The following THSD7B variants were observed in gnomAD, a reference collection of about 807,000 sequenced individuals.
THSD7B encodes thrombospondin type-1 domain-containing protein 7B.
THSD7B carries 138 observed loss-of-function variants against 213.6 expected under a neutral mutation model. The ratio of observed to expected loss-of-function variants is 0.65; its 90% CI spans 0.56 to 0.74. The LOEUF is 0.74. Ranked by LOEUF, THSD7B falls within the 30% of genes least tolerant of loss-of-function variation. The pLI is 0.00. For missense variants in THSD7B, 1,931 were observed against 1,991.5 expected (o/e 0.97, Z 0.58); for synonymous variants, 742 against 687.0 (o/e 1.08, Z -1.25).
chr2:137,633,884 A>G (rs1300187649), intron 20 of THSD7B, among the ~76,000 whole-genome samples: 1 of 152,184 alleles, frequency 6.6e-6, no homozygotes, highest in Non-Finnish European at 1.5e-5. Context: ...ACAATGACAA[A>G]AGGTATCATA....
rs144688083 is a variant in THSD7B at position 137,415,948 on chromosome 2, C to A, written c.2959+4076C>A. 1.2e-3 allele frequency among the ~76,000 whole-genome samples: 179 copies of A among 152,270 alleles called. 1 individual carries two copies. Among genetic ancestry groups the A allele is most frequent in the African/African-American group, 4.1e-3 (170 of 41,550 alleles). On this transcript the variant is annotated intron_variant, in intron 14 of 27. Transcript: ENST00000409968. ...AGAAATGAGTGCTTATTGTCTCTCC[C>A]TGCAGTCGATTATAAAGTTCCAGGA...
intron 4 of THSD7B, among the ~76,000 whole-genome samples, chr2:137,104,179 A>T (rs559786894): frequency 2.3e-4 from 35 of 152,280 alleles, no homozygotes; most frequent in African/African-American, 8.4e-4. Flanking sequence ...AATAACAAAC[A>T]GTCTCTCAGA....
rs72977638 is a variant in THSD7B at position 137,360,369 on chromosome 2, C to G, written c.2501-45244C>G. Among the ~76,000 whole-genome samples, 609 of 152,230 alleles carry G rather than the reference C, an allele frequency of 4.0e-3. 8 individuals carry two copies. The highest frequency in any genetic ancestry group is 0.014 in the African/African-American group (576 of 41,552). On this transcript the variant is annotated intron_variant, in intron 12 of 27. Transcript: ENST00000409968. ...GTTCATCTCATTGGGACTGGTCAGA[C>G]AGGGTGCACCCTACGGAGGGTGAGC...
intron 4 of THSD7B, among the ~76,000 whole-genome samples, chr2:137,097,769 G>GACACACACACACACACAC (rs3050089): frequency 1.4e-5 from 2 of 141,350 alleles, no homozygotes; most frequent in East Asian, 2.0e-4. Context: ...CGCTAAGTTT[G>GACACACACACACACACAC]ACACACACAC....
intron 26 of THSD7B, among the ~76,000 whole-genome samples, 178 bp from the exon 27 acceptor site, chr2:137,667,595 AC>A (rs1348783636): frequency 1.3e-5 from 2 of 152,222 alleles, no homozygotes; most frequent in African/African-American, 4.8e-5. Flanking sequence ...CTGGCAATTT[AC>A]AGAGTATGCT....
At position 137,056,512 on chromosome 2, in the gene THSD7B, C is replaced by A. The variant is rs751954088; in HGVS notation, c.232C>A (p.Leu78Met). 22 of 1,613,938 alleles carry A rather than the reference C, an allele frequency of 1.4e-5. No individual in the cohort carries two copies. Among genetic ancestry groups the A allele is most frequent in the Non-Finnish European group, 1.9e-5 (22 of 1,179,866 alleles). Residue 78 changes from leucine to methionine, a missense_variant, in exon 3 of 28, where the codon CTG becomes ATG. Coordinates refer to ENST00000409968, the MANE Select transcript of THSD7B (RefSeq NM_001316349.2). ...TCATGTTGACGGGTGGACAAGTCACCTGTCTAACTGTGGTGAGAGCAACAG... is the reference window on the plus strand; with the variant it reads ...TCATGTTGACGGGTGGACAAGTCACATGTCTAACTGTGGTGAGAGCAACAG... ...CFHVDGWTSHLSNCGESNRPP... is the reference protein window; with the variant it reads ...CFHVDGWTSHMSNCGESNRPP...
intron 5 of THSD7B, among the ~76,000 whole-genome samples, chr2:137,131,538 T>G (rs920990458): frequency 2.0e-5 from 3 of 152,238 alleles, no homozygotes; most frequent in African/African-American, 7.2e-5. Flanking sequence ...CTTTAATCCA[T>G]CTTGAATTAA....
chr2:137,455,314 C>T (rs200063636), intron 15 of THSD7B, among the ~76,000 whole-genome samples: 1 of 152,120 alleles, frequency 6.6e-6, no homozygotes, highest in Non-Finnish European at 1.5e-5. Context: ...CATTAGAATT[C>T]TCAAAAATGT....
intron 15 of THSD7B, among the ~76,000 whole-genome samples, chr2:137,473,764 T>A (rs1264736356): frequency 2.6e-5 from 4 of 152,048 alleles, no homozygotes; most frequent in African/African-American, 9.7e-5. Flanking sequence ...GTCTGAGAGG[T>A]TTTTAAAAAG....
chr2:137,592,783 T>C (rs2044691), intron 17 of THSD7B, among the ~76,000 whole-genome samples: 151,641 of 152,054 alleles, frequency 1, 75,619 homozygotes, highest in Middle Eastern at 1. Context: ...CTTCTTATAT[T>C]TCTGAATAAC....
chr2:136,897,048 C>A (rs560788498), intron 2 of THSD7B, among the ~76,000 whole-genome samples: 1 of 152,086 alleles, frequency 6.6e-6, no homozygotes, highest in East Asian at 1.9e-4. Flanking sequence ...TAGGCTCAAG[C>A]AATCCTTCTA....
At chr2:137,078,144 G>A (rs1352062134) in intron 3 of THSD7B, among the ~76,000 whole-genome samples, 4 of 152,058 alleles carry the variant, frequency 2.6e-5, no homozygotes, top group East Asian at 3.9e-4. Context: ...GTAGATATGC[G>A]GCATTATTTC....
At chr2:136,900,844 C>A (rs1684051444) in intron 2 of THSD7B, among the ~76,000 whole-genome samples, 1 of 152,132 alleles carries the variant, frequency 6.6e-6, no homozygotes, top group African/African-American at 2.4e-5. Flanking sequence ...CTGATTTTAG[C>A]ATGGAGCTTG....
At chr2:137,252,911 CTTTT>C (rs754932566) in intron 10 of THSD7B, among the ~76,000 whole-genome samples, 2 of 80,658 alleles carry the variant, frequency 2.5e-5, no homozygotes, top group African/African-American at 4.7e-5. Context: ...AAAAGGCTTG[CTTTT>C]TTTTTTTTTT....
At chr2:137,237,924 G>A (rs916794085) in intron 9 of THSD7B, among the ~76,000 whole-genome samples, 3 of 152,154 alleles carry the variant, frequency 2.0e-5, no homozygotes, top group African/African-American at 7.2e-5. Context: ...TGCATTTCCA[G>A]GAAAGCCCAC....
At chr2:136,818,769 C>T (rs1222569752) in intron 1 of THSD7B, among the ~76,000 whole-genome samples, 1 of 152,048 alleles carries the variant, frequency 6.6e-6, no homozygotes, top group African/African-American at 2.4e-5. Flanking sequence ...ACTGATTCCT[C>T]ATTTCTAATT....
intron 2 of THSD7B, among the ~76,000 whole-genome samples, chr2:136,902,095 G>A (rs1009297725): frequency 5.3e-5 from 8 of 152,150 alleles, no homozygotes; most frequent in Admixed American, 4.6e-4. Flanking sequence ...ACCTCTAAAC[G>A]TCAGATGCTT....
intron 1 of THSD7B, among the ~76,000 whole-genome samples, chr2:136,873,065 C>T (rs955632645): frequency 7.3e-6 from 1 of 136,078 alleles, no homozygotes; most frequent in African/African-American, 2.7e-5. Context: ...GAGAATATAG[C>T]AATGTTTGTC....
chr2:136,977,812 T>TTTG (rs1558874179), intron 2 of THSD7B, among the ~76,000 whole-genome samples: 2 of 150,648 alleles, frequency 1.3e-5, no homozygotes, highest in African/African-American at 4.9e-5. Flanking sequence ...TTTTTTTTTT[T>TTTG]TTTTTTTTTT....
Sources: gnomAD v4.1 joint callset for allele counts (sites outside exome capture counted in the v4.1 genomes callset) on GRCh38, gnomAD v4.1.1 for gene constraint, MANE v1.5 for transcripts, NCBI Gene and HGNC (gene_info 2026-07-23, HGNC 2026-07-21) for gene names.